The following STT3A variants were observed in gnomAD, a reference collection of about 807,000 sequenced individuals.
The protein encoded by STT3A is dolichyl-diphosphooligosaccharide--protein glycosyltransferase subunit STT3A.
A neutral mutation model predicts 89.2 loss-of-function variants in STT3A; 34 were observed. That is an observed-to-expected ratio of 0.38 (90% CI 0.29 to 0.51). The LOEUF is 0.51. Among genes scored for constraint, STT3A ranks in the 20% least tolerant of loss-of-function variants. The pLI, the probability that STT3A is intolerant of heterozygous loss-of-function variation, is 0.89. For synonymous variants in STT3A, 282 were observed against 310.3 expected, an observed-to-expected ratio of 0.91 and a Z score of 0.96; for missense variants, 555 against 889.5, an observed-to-expected ratio of 0.62 and a Z score of 4.78.
intron 3 of STT3A, among the ~76,000 whole-genome samples, chr11:125,598,079 G>A (rs1939548738): frequency 6.6e-6 from 1 of 152,170 alleles, no homozygotes; most frequent in Admixed American, 6.5e-5. Context: ...GGGCATGGTG[G>A]CATGTGCCCG....
intron 3 of STT3A, among the ~76,000 whole-genome samples, chr11:125,600,412 G>A (rs1395399851): frequency 1.3e-5 from 2 of 152,062 alleles, no homozygotes; most frequent in Non-Finnish European, 2.9e-5. Context: ...CCAGGCTGGA[G>A]TGCAATGGCA....
chr11:125,594,384 A>G (rs1939419542), intron 1 of STT3A, among the ~76,000 whole-genome samples: 1 of 152,150 alleles, frequency 6.6e-6, no homozygotes, highest in Admixed American at 6.5e-5. Context: ...GATCCAGACC[A>G]CCCTGGCCAA....
intron 4 of STT3A, 32 bp from the exon 5 acceptor site, chr11:125,602,771 C>A (rs761179478): frequency 3.1e-5 from 50 of 1,612,532 alleles, no homozygotes; most frequent in Non-Finnish European, 9.3e-6. Context: ...TCTGGTAAGA[C>A]AACCTAATGG....
chr11:125,597,065 C>T lies in STT3A; in HGVS notation c.95C>T (p.Ser32Phe), dbSNP rs909671887. ...AACTCTCTGGTTTTTGCAGCCTTCT[C>T]CACTCGTCTGTTTGCTGTCCTGAGA... ...ILSMAAVLSF[S>F]TRLFAVLRFE... The change falls in exon 3 of 18, where the codon TCC (serine) becomes TTC (phenylalanine). Residue 32 changes from serine to phenylalanine, a missense_variant. Physicochemically the swap from Ser to Phe is radical, Grantham distance 155 (BLOSUM62 -2). Transcript: ENST00000392708. 3.1e-6 allele frequency: 5 copies of T among 1,613,996 alleles called. No homozygotes were observed. Among genetic ancestry groups the T allele is most frequent in the Non-Finnish European group, 3.4e-6 (4 of 1,179,982 alleles).
intron 6 of STT3A, among the ~76,000 whole-genome samples, chr11:125,604,458 CA>C (rs1220303179): frequency 6.6e-6 from 1 of 152,206 alleles, no homozygotes; most frequent in Non-Finnish European, 1.5e-5. Flanking sequence ...GTCTTTGGTT[CA>C]TCTCTGCACT....
chr11:125,601,018 C>T (rs1179378670), intron 3 of STT3A, among the ~76,000 whole-genome samples: 2 of 152,158 alleles, frequency 1.3e-5, no homozygotes, highest in Non-Finnish European at 2.9e-5. Flanking sequence ...TTGAACTGGG[C>T]TTAAGCGATC....
chr11:125,608,383 C>T (rs1304003203), intron 9 of STT3A, 94 bp downstream of exon 9: 76 of 1,268,058 alleles, frequency 6.0e-5, no homozygotes, highest in East Asian at 3.3e-4. Flanking sequence ...GGTGCGATCT[C>T]GGCTCACTGC....
chr11:125,594,339 T>C (rs1939417816), intron 1 of STT3A, among the ~76,000 whole-genome samples: 1 of 152,136 alleles, frequency 6.6e-6, no homozygotes, highest in Admixed American at 6.6e-5. Flanking sequence ...CCCAGCACTT[T>C]GGGAGGCTGA....
Position 125,608,229 on chromosome 11 carries a change from A to T in STT3A, c.901A>T (p.Ser301Cys). The T allele has an allele frequency of 6.2e-7, 1 of 1,614,110 alleles. No individual in the cohort carries two copies. Among genetic ancestry groups the T allele is most frequent in the Non-Finnish European group, 8.5e-7 (1 of 1,180,014 alleles). Reference sequence around the variant, plus strand: ...ACAACAATTTGAAGTTCTTTTCCGGAGCGTCATCTCTCTGGTAGGCTTTGT... The same window carrying T: ...ACAACAATTTGAAGTTCTTTTCCGGTGCGTCATCTCTCTGGTAGGCTTTGT... The part of the protein sequence containing the change: ...NPQQFEVLFR[S>C]VISLVGFVLL... The change falls in exon 9 of 18, where the codon AGC (serine) becomes TGC (cysteine). Residue 301 changes from serine (S) to cysteine (C), a missense_variant. Physicochemically the swap from Ser to Cys is moderately radical, Grantham distance 112 (BLOSUM62 -1). Around this residue, in one of 5 missense-constraint regions of STT3A, gnomAD observed 149 missense variants for 206.2 expected, o/e 0.72. Transcript: ENST00000392708.
In STT3A at chr11:125,602,868, C is replaced by A; in HGVS notation, c.337C>A (p.Arg113=). The change falls in exon 5 of 18, where the codon CGG becomes AGG. Residue 113 remains arginine, a synonymous_variant. Transcript: ENST00000392708. ...LHFFHITIDI[R]NVCVFLAPLF... ...TTTTTTCCACATCACCATCGACATTCGGAATGTCTGTGTGTTCCTGGCCCC... is the reference window on the plus strand; with the variant it reads ...TTTTTTCCACATCACCATCGACATTAGGAATGTCTGTGTGTTCCTGGCCCC... The A allele has an allele frequency of 6.2e-7, 1 of 1,614,144 alleles. No homozygotes were observed. Among genetic ancestry groups the A allele is most frequent in the Non-Finnish European group, 8.5e-7 (1 of 1,180,026 alleles).
chr11:125,620,997 A>G lies in STT3A; in HGVS notation c.*187A>G. ...AATGAAATGATTTTTATAATTCTAA[A>G]CAGGTTACCAAATGAAATGTCATGG... is the stretch of plus-strand genomic sequence containing the variant. On this transcript the variant is annotated 3_prime_UTR_variant, in exon 18 of 18. Transcript: ENST00000392708. 2 of 474,766 alleles carry G rather than the reference A, an allele frequency of 4.2e-6. No homozygotes were observed. The highest frequency in any genetic ancestry group is 7.4e-6 in the Non-Finnish European group (2 of 270,154). The allele number at this position is 474,766 out of a possible 1,614,324, so 29.4% of individuals were successfully genotyped here. A position where few individuals can be genotyped will look rare whatever the true frequency, so the allele number is the denominator to read the frequency against.
chr11:125,601,880 C>T (rs1388993924), intron 3 of STT3A, among the ~76,000 whole-genome samples: 4 of 151,868 alleles, frequency 2.6e-5, no homozygotes, highest in African/African-American at 9.7e-5. Context: ...CTCACTGTAA[C>T]CTCTGCCTCC....
rs1663505222 is a variant in STT3A at position 125,614,020 on chromosome 11, C to T, written c.1555-67C>T. 9.8e-6 allele frequency: 14 copies of T among 1,433,948 alleles called. No homozygotes were observed. In the South Asian group the frequency reaches 1.4e-4, roughly 14 times the overall value. 88.8% of individuals were successfully genotyped at this position (1,433,948 alleles called of 1,614,324 possible). A position where few individuals can be genotyped will look rare whatever the true frequency, so the allele number is the denominator to read the frequency against. On this transcript the variant is annotated intron_variant, in intron 13 of 17. Transcript: ENST00000392708. The surrounding 1 kb of genome is among the most constrained non-coding windows in gnomAD (Gnocchi z 4.9). ...ACTTCTGTCAGACCAAAGATGCCTT[C>T]TCTGTTGCATTTGATTTTTAGAGAC...
In STT3A at chr11:125,613,990, G is replaced by A. The variant is rs12289897; in HGVS notation, c.1555-97G>A. ...GTGAAGAAATTGATTAGTTAGCCAGGTGTCACTTCTGTCAGACCAAAGATG... is the reference window on the plus strand; with the variant it reads ...GTGAAGAAATTGATTAGTTAGCCAGATGTCACTTCTGTCAGACCAAAGATG... On this transcript the variant is annotated intron_variant, in intron 13 of 17. Coordinates refer to ENST00000392708, the MANE Select transcript of STT3A (RefSeq NM_152713.5). This position sits in a 1 kb window ranked among gnomAD's most constrained non-coding sequence, Gnocchi z 4.2. 74,271 of 1,001,600 alleles carry A rather than the reference G, an allele frequency of 0.074. 3,975 individuals are homozygous for A. Among genetic ancestry groups the A allele is most frequent in the African/African-American group, 0.24 (15,177 of 62,150 alleles). The allele number at this position is 1,001,600 out of a possible 1,614,324, so 62.0% of individuals were successfully genotyped here.
chr11:125,614,358 T>C lies in STT3A; in HGVS notation c.1706T>C (p.Ile569Thr). The C allele has an allele frequency of 6.2e-7, 1 of 1,614,140 alleles. No individual in the cohort carries two copies. Among genetic ancestry groups the C allele is most frequent in the Non-Finnish European group, 8.5e-7 (1 of 1,180,008 alleles). Residue 569 changes from isoleucine to threonine, a missense_variant, in exon 15 of 18, where the codon ATC (isoleucine) becomes ACC (threonine). Coordinates refer to ENST00000392708, the MANE Select transcript of STT3A (RefSeq NM_152713.5). The surrounding 1 kb of genome is among the most constrained non-coding windows in gnomAD (Gnocchi z 4.9). ...TCCACAGAGGAAAAAGCCTATGAGA[T>C]CATGAGGGAGCTCGATGTCAGCTAT... ...MASTEEKAYE[I>T]MRELDVSYVL...
rs781493562 is a variant in STT3A at position 125,620,044 on chromosome 11, C to T, written c.1997C>T (p.Ala666Val). The change falls in exon 17 of 18, where the codon GCT (alanine) becomes GTT (valine). Residue 666 changes from alanine to valine, a missense_variant. Ala to Val is a moderately conservative substitution (Grantham distance 64, BLOSUM62 0). This residue lies in a region of STT3A where 273 missense variants were observed against 449.8 expected (regional missense o/e 0.61). Coordinates refer to ENST00000392708, the MANE Select transcript of STT3A (RefSeq NM_152713.5). ...CCAGGCTTTGACCGTGTCCGAAATGCTGAGATTGGGAATAAAGACTTTGAG... is the reference window on the plus strand; with the variant it reads ...CCAGGCTTTGACCGTGTCCGAAATGTTGAGATTGGGAATAAAGACTTTGAG... ...RPPGFDRVRNAEIGNKDFELD... is the reference protein window; with the variant it reads ...RPPGFDRVRNVEIGNKDFELD... 6.2e-7 allele frequency: 1 copy of T among 1,614,060 alleles called. No homozygotes were observed. The highest frequency in any genetic ancestry group is 8.5e-7 in the Non-Finnish European group (1 of 1,180,002).
chr11:125,608,404 TC>T lies in STT3A; in HGVS notation c.961+118del. 4.6e-6 allele frequency: 5 copies of T among 1,090,990 alleles called. No homozygotes were observed. In the South Asian group the frequency reaches 7.0e-5, roughly 15 times the overall value. The allele number at this position is 1,090,990 out of a possible 1,614,324, so 67.6% of individuals were successfully genotyped here. A position where few individuals can be genotyped will look rare whatever the true frequency, so the allele number is the denominator to read the frequency against. ...ATCTCGGCTCACTGCAACCTCCACC[TC>T]CCAGGTTCAAGCGATTCTCCTGCCT... On this transcript the variant is annotated intron_variant, in intron 9 of 17. Coordinates refer to ENST00000392708, the MANE Select transcript of STT3A (RefSeq NM_152713.5).
chr11:125,593,349 TG>T (rs1311583828), intron 1 of STT3A: 1 of 152,388 alleles, frequency 6.6e-6, no homozygotes, highest in Non-Finnish European at 1.5e-5. Flanking sequence ...AAAACGGGGC[TG>T]GGGAAATTGC....
At chr11:125,592,569 G>T (rs1213567479), upstream of STT3A, 16 of 445,354 alleles carry the variant, frequency 3.6e-5, no homozygotes, top group East Asian at 9.8e-4. Context: ...TCCGCAAACC[G>T]ACACGTCACT....
Sources: gnomAD v4.1 joint callset for allele counts (sites outside exome capture counted in the v4.1 genomes callset) on GRCh38, gnomAD v4.1.1 for gene constraint, gnomAD v4.1.1 regional missense constraint, Gnocchi (gnomAD v3.1) non-coding constraint, MANE v1.5 for transcripts, NCBI Gene and HGNC (gene_info 2026-07-23, HGNC 2026-07-21) for gene names.